The following MED26 variants were observed in gnomAD, a reference collection of about 807,000 sequenced individuals.
The protein encoded by MED26 is mediator complex subunit 26.
A neutral mutation model predicts 43.7 loss-of-function variants in MED26; 7 were observed. The observed-to-expected ratio is 0.16, with a 90% CI of 0.09 to 0.30. The LOEUF is 0.30. MED26 is among the 10% of genes least tolerant of loss of function. The pLI is 1.00. For synonymous variants in MED26, 375 were observed against 371.1 expected, an observed-to-expected ratio of 1.01 and a Z score of -0.12; for missense variants, 784 against 840.6, an observed-to-expected ratio of 0.93 and a Z score of 0.83.
intron 1 of MED26, among the ~76,000 whole-genome samples, chr19:16,600,817 G>A (rs1318827653): frequency 1.3e-5 from 2 of 152,130 alleles, no homozygotes; most frequent in African/African-American, 4.8e-5. Flanking sequence ...ATTCTTGGCC[G>A]GGAGCAGTGG....
At chr19:16,607,729 G>C (rs1374688628) in intron 1 of MED26, among the ~76,000 whole-genome samples, 1 of 151,240 alleles carries the variant, frequency 6.6e-6, no homozygotes, top group Non-Finnish European at 1.5e-5. Flanking sequence ...AACATTATGA[G>C]ATTTTTTTTT....
intron 1 of MED26, among the ~76,000 whole-genome samples, chr19:16,590,145 T>C (rs1369371805): frequency 6.6e-6 from 1 of 152,220 alleles, no homozygotes; most frequent in East Asian, 1.9e-4. Context: ...GCACTAATGC[T>C]ACTGGAAAGA....
intron 1 of MED26, among the ~76,000 whole-genome samples, chr19:16,594,434 G>C (rs1288797978): frequency 6.6e-6 from 1 of 152,222 alleles, no homozygotes. Context: ...TCACAAGTGG[G>C]GAAGGGGCAG....
intron 1 of MED26, 93 bp downstream of exon 1, chr19:16,627,779 G>C: frequency 1.1e-6 from 1 of 896,434 alleles, no homozygotes; most frequent in East Asian, 3.3e-5. Context: ...CGCCAGACGG[G>C]TCCCCCGAAG....
At chr19:16,583,516 G>A (rs577687475) in intron 1 of MED26, among the ~76,000 whole-genome samples, 21 of 152,238 alleles carry the variant, frequency 1.4e-4, no homozygotes, top group Admixed American at 1.1e-3. Context: ...GTGGGGGTGG[G>A]GGGTGTCGAC....
chr19:16,576,620 C>T lies in MED26; in HGVS notation c.1210G>A (p.Val404Ile). Residue 404 changes from valine (V) to isoleucine (I), a missense_variant, in exon 3 of 3, where the codon GTT becomes ATT. By Grantham distance (29) the Val-to-Ile change is conservative (BLOSUM62 3). Coordinates refer to ENST00000263390, the MANE Select transcript of MED26 (RefSeq NM_004831.5). The surrounding 1 kb of genome is among the most constrained non-coding windows in gnomAD (Gnocchi z 6.8). ...TCAGCCACCTGCCCGTCCAAGTTAA[C>T]CGTATAGTCTCGAGGTCGGTACCTC... is the stretch of plus-strand genomic sequence containing the variant. ...KKRYRPRDYT[V>I]NLDGQVAEAG... 1 of 1,614,266 alleles carries T rather than the reference C, an allele frequency of 6.2e-7. No individual in the cohort carries two copies. The highest frequency in any genetic ancestry group is 8.5e-7 in the Non-Finnish European group (1 of 1,180,046).
intron 1 of MED26, among the ~76,000 whole-genome samples, chr19:16,625,281 A>G (rs3786604): frequency 0.15 from 22,486 of 152,240 alleles, 1,776 homozygotes; most frequent in Non-Finnish European, 0.18. Context: ...TCCAGGGGCT[A>G]AAAGTGAGAG....
intron 1 of MED26, among the ~76,000 whole-genome samples, chr19:16,605,546 G>A (rs2086168694): frequency 6.6e-6 from 1 of 152,222 alleles, no homozygotes; most frequent in African/African-American, 2.4e-5. Context: ...GGATTGGCCA[G>A]GCTGCCCCAC....
At chr19:16,578,021 G>C in intron 2 of MED26, 2 of 495,944 alleles carry the variant, frequency 4.0e-6, no homozygotes, top group Non-Finnish European at 7.1e-6. Context: ...CGAGGCGACA[G>C]CACAGAGGGT....
chr19:16,588,141 T>C (rs1351115429), intron 1 of MED26: 1 of 152,214 alleles, frequency 6.6e-6, no homozygotes, highest in Non-Finnish European at 1.5e-5. Context: ...CATCTGTAAA[T>C]TGACTCGTTG....
chr19:16,602,468 G>A (rs1007232560), intron 1 of MED26, among the ~76,000 whole-genome samples: 4 of 152,028 alleles, frequency 2.6e-5, no homozygotes, highest in East Asian at 1.9e-4. Flanking sequence ...AGAAACAACC[G>A]CTACAGGCAA....
chr19:16,588,212 G>A (rs2086079766), intron 1 of MED26: 1 of 152,250 alleles, frequency 6.6e-6, no homozygotes, highest in African/African-American at 2.4e-5. Context: ...AGCACGCTGG[G>A]TGGGGGCTTC....
In MED26 at chr19:16,583,695, G is replaced by A. The variant is rs1050813514; in HGVS notation, c.73-5286C>T. On this transcript the variant is annotated intron_variant, in intron 1 of 2. Transcript: ENST00000263390. ...GTATACATGCAGGTCCAGCCCAGCCGCCTGGTACATGAATGTTGATGGAAC... is the reference window on the plus strand; with the variant it reads ...GTATACATGCAGGTCCAGCCCAGCCACCTGGTACATGAATGTTGATGGAAC... 1.5e-4 allele frequency among the ~76,000 whole-genome samples: 23 copies of A among 152,056 alleles called. No individual in the cohort carries two copies. The East Asian group carries it at 2.3e-3, about 15-fold the overall frequency.
At chr19:16,627,784 C>T (rs2086288449) in intron 1 of MED26, 88 bp downstream of exon 1, 7 of 1,004,946 alleles carry the variant, frequency 7.0e-6, no homozygotes, top group Non-Finnish European at 8.0e-6. Flanking sequence ...GACGGGTCCC[C>T]CGAAGCCCGG....
In MED26 at chr19:16,586,851, C is replaced by T. The variant is rs998367426; in HGVS notation, c.73-8442G>A. 3.3e-5 allele frequency: 5 copies of T among 152,046 alleles called. No individual in the cohort carries two copies. The highest frequency in any genetic ancestry group is 1.2e-4 in the African/African-American group (5 of 41,376). The allele number at this position is 152,046 out of a possible 1,614,324, so 9.4% of individuals were successfully genotyped here. ...CTCAAAACAGCCCCTGCTGAGGCCTCAGTGGCAAAGCACCTGTAAAAACCG... is the reference window on the plus strand; with the variant it reads ...CTCAAAACAGCCCCTGCTGAGGCCTTAGTGGCAAAGCACCTGTAAAAACCG... On this transcript the variant is annotated intron_variant, in intron 1 of 2. Coordinates refer to ENST00000263390, the MANE Select transcript of MED26 (RefSeq NM_004831.5). This position sits in a 1 kb window ranked among gnomAD's most constrained non-coding sequence, Gnocchi z 5.1.
At position 16,587,850 on chromosome 19, in the gene MED26, A is replaced by C. The variant is rs546322367; in HGVS notation, c.73-9441T>G. On this transcript the variant is annotated intron_variant, in intron 1 of 2. Transcript: ENST00000263390. This position sits in a 1 kb window ranked among gnomAD's most constrained non-coding sequence, Gnocchi z 4.9. Reference sequence around the variant, plus strand: ...TGACTGAACCCCATGAGCAACTCAGAAAGAGGAAGCCCAGGGCTTGGGGCA... The same window carrying C: ...TGACTGAACCCCATGAGCAACTCAGCAAGAGGAAGCCCAGGGCTTGGGGCA... 6.6e-6 allele frequency: 1 copy of C among 152,356 alleles called. No homozygotes were observed. The highest frequency in any genetic ancestry group is 1.9e-4 in the East Asian group (1 of 5,182). The allele number at this position is 152,356 out of a possible 1,614,324, so 9.4% of individuals were successfully genotyped here.
At chr19:16,599,010 C>G (rs536499357) in intron 1 of MED26, among the ~76,000 whole-genome samples, 2 of 152,222 alleles carry the variant, frequency 1.3e-5, no homozygotes, top group African/African-American at 4.8e-5. Flanking sequence ...TGCCCCTCCC[C>G]GCTTGGGGAC....
chr19:16,626,310 G>A (rs985818632), intron 1 of MED26, among the ~76,000 whole-genome samples: 6 of 152,134 alleles, frequency 3.9e-5, no homozygotes, highest in African/African-American at 2.4e-5. Flanking sequence ...AAGTCACCAA[G>A]GCTATTTTTT....
chr19:16,605,552 C>A (rs2086168717), intron 1 of MED26, among the ~76,000 whole-genome samples: 1 of 152,166 alleles, frequency 6.6e-6, no homozygotes, highest in African/African-American at 2.4e-5. Context: ...GCCAGGCTGC[C>A]CCACTCACTG....
Sources: allele counts gnomAD v4.1 joint callset (sites outside exome capture counted in the v4.1 genomes callset), GRCh38; gene constraint gnomAD v4.1.1; non-coding constraint Gnocchi (gnomAD v3.1); transcripts MANE v1.5; gene names NCBI Gene and HGNC (gene_info 2026-07-23, HGNC 2026-07-21).